Variants in FAM135B observed in about 807,000 individuals in gnomAD.
The protein encoded by FAM135B is protein FAM135B.
Under a neutral mutation model 127.7 loss-of-function variants are expected in FAM135B, and 43 were observed. That is an observed-to-expected ratio of 0.34 (90% CI 0.26 to 0.43). The LOEUF is 0.43. FAM135B is among the 20% of genes least tolerant of loss of function. The probability of loss-of-function intolerance (pLI) is 1.00; values close to 1 mark genes in which losing one functional copy is unlikely to be tolerated. For synonymous variants in FAM135B, 670 were observed against 665.1 expected, an observed-to-expected ratio of 1.01 and a Z score of -0.11; for missense variants, 1,558 against 1,725.6, an observed-to-expected ratio of 0.90 and a Z score of 1.72.
intron 4 of FAM135B, among the ~76,000 whole-genome samples, chr8:138,263,668 C>A (rs141002534): frequency 1.5e-3 from 232 of 152,254 alleles, no homozygotes; most frequent in African/African-American, 5.4e-3. Context: ...TTGAAGCAGG[C>A]AACTGTGGTC....
chr8:138,454,897 G>A (rs935791394), intron 1 of FAM135B, among the ~76,000 whole-genome samples: 4 of 152,142 alleles, frequency 2.6e-5, no homozygotes, highest in South Asian at 4.1e-4. Flanking sequence ...TCTCACCTTC[G>A]TGTCATTATC....
chr8:138,442,269 T>C (rs867069284), intron 1 of FAM135B, among the ~76,000 whole-genome samples: 1 of 135,508 alleles, frequency 7.4e-6, no homozygotes, highest in Non-Finnish European at 1.6e-5. Flanking sequence ...TATATATATA[T>C]ATATATATGA....
intron 1 of FAM135B, among the ~76,000 whole-genome samples, chr8:138,484,055 C>T (rs1814893539): frequency 6.6e-6 from 1 of 152,060 alleles, no homozygotes; most frequent in Non-Finnish European, 1.5e-5. Context: ...GGATGAACAC[C>T]TAATATTTTG....
intron 1 of FAM135B, among the ~76,000 whole-genome samples, chr8:138,468,200 A>G (rs1837476137): frequency 6.6e-6 from 1 of 151,656 alleles, no homozygotes; most frequent in Non-Finnish European, 1.5e-5. Context: ...AGAGCCTGAC[A>G]TGTGTCAAAA....
chr8:138,279,436 T>G, intron 3 of FAM135B, among the ~76,000 whole-genome samples: 1 of 152,230 alleles, frequency 6.6e-6, no homozygotes, highest in East Asian at 1.9e-4. Context: ...AAAGTCTGCC[T>G]GTTTCTCAGT....
intron 1 of FAM135B, among the ~76,000 whole-genome samples, chr8:138,427,705 C>T (rs977979808): frequency 6.6e-6 from 1 of 152,224 alleles, no homozygotes; most frequent in Admixed American, 6.5e-5. Flanking sequence ...AAACACATTA[C>T]ATAACATAGC....
At chr8:138,246,608 GC>G (rs1411678314) in intron 6 of FAM135B, among the ~76,000 whole-genome samples, 2 of 152,212 alleles carry the variant, frequency 1.3e-5, no homozygotes, top group African/African-American at 4.8e-5. Flanking sequence ...GCAGAAGTTT[GC>G]TGCAGGAGCA....
chr8:138,480,093 G>A (rs551601183), intron 1 of FAM135B, among the ~76,000 whole-genome samples: 16 of 152,254 alleles, frequency 1.1e-4, no homozygotes, highest in East Asian at 3.9e-4. Flanking sequence ...TAAACAACAC[G>A]GTCATTCATT....
chr8:138,479,909 C>T (rs1318994364), intron 1 of FAM135B, among the ~76,000 whole-genome samples: 1 of 152,148 alleles, frequency 6.6e-6, no homozygotes, highest in Non-Finnish European at 1.5e-5. Flanking sequence ...CTAATTTTCC[C>T]ACAAAACTAC....
At chr8:138,358,434 G>A (rs1349326225) in intron 2 of FAM135B, 1 of 152,202 alleles carries the variant, frequency 6.6e-6, no homozygotes, top group Non-Finnish European at 1.5e-5. Flanking sequence ...GTTTGGTTCA[G>A]AGTCTCAATT....
rs1459814398 is a variant in FAM135B at position 138,153,164 on chromosome 8, T to C, written c.1311A>G (p.Thr437=). 2 of 1,605,586 alleles carry C rather than the reference T, an allele frequency of 1.2e-6. No homozygotes were observed. The highest frequency in any genetic ancestry group is 3.4e-5 in the Admixed American group (2 of 59,488). Reference sequence around the variant, plus strand: ...CTTCCTTGTCTTTCAGATTCATTATTGTAGGACTTGTCACTGGAACATCAA... The same window carrying C: ...CTTCCTTGTCTTTCAGATTCATTATCGTAGGACTTGTCACTGGAACATCAA... The part of the protein sequence containing the change: ...PNFDVPVTSP[T]IMNLKDKEDN... The change falls in exon 13 of 20, where the codon ACA becomes ACG. Residue 437 remains threonine (T), a synonymous_variant. Coordinates refer to ENST00000395297, the MANE Select transcript of FAM135B (RefSeq NM_015912.4).
intron 12 of FAM135B, among the ~76,000 whole-genome samples, chr8:138,159,214 G>A: frequency 7.3e-6 from 1 of 137,040 alleles, no homozygotes; most frequent in Non-Finnish European, 1.5e-5. Context: ...GGAGCTTGCA[G>A]TGAGCCGAGA....
chr8:138,409,797 C>G (rs1281040030), intron 1 of FAM135B, among the ~76,000 whole-genome samples: 1 of 148,050 alleles, frequency 6.8e-6, no homozygotes, highest in Admixed American at 6.9e-5. Flanking sequence ...ATGGCATGAA[C>G]TCAAGAGGCG....
intron 3 of FAM135B, among the ~76,000 whole-genome samples, chr8:138,286,800 G>A (rs1824722651): frequency 6.6e-6 from 1 of 152,186 alleles, no homozygotes; most frequent in Non-Finnish European, 1.5e-5. Context: ...GCCTCGGGAG[G>A]AGAGTCACTC....
At chr8:138,493,306 G>A (rs942975261) in intron 1 of FAM135B, among the ~76,000 whole-genome samples, 11 of 151,936 alleles carry the variant, frequency 7.2e-5, no homozygotes, top group Admixed American at 6.6e-4. Context: ...GCTCCCTCCT[G>A]GTGTCTCCCA....
chr8:138,350,841 C>T (rs1829732406), intron 2 of FAM135B, among the ~76,000 whole-genome samples: 1 of 152,164 alleles, frequency 6.6e-6, no homozygotes, highest in Non-Finnish European at 1.5e-5. Context: ...CTTGTCATTC[C>T]TATTGCCTTG....
chr8:138,497,208 C>G lies in FAM135B; in HGVS notation c.-557G>C, dbSNP rs1030672788. On this transcript the variant is annotated 5_prime_UTR_variant, in exon 1 of 20. Transcript: ENST00000395297. ...CCGGGAGAGCCCGCCCTGCTGCTCC[C>G]GCTGGCTCCGCTCCGCAGCCGCTGC... 6.6e-6 allele frequency among the ~76,000 whole-genome samples: 1 copy of G among 150,928 alleles called. No individual in the cohort carries two copies. The highest frequency in any genetic ancestry group is 6.6e-5 in the Admixed American group (1 of 15,146).
At chr8:138,283,533 G>T (rs1243067078) in intron 3 of FAM135B, among the ~76,000 whole-genome samples, 1 of 152,074 alleles carries the variant, frequency 6.6e-6, no homozygotes, top group Non-Finnish European at 1.5e-5. Flanking sequence ...TCTAATGGTG[G>T]ATATGTGTCA....
intron 3 of FAM135B, among the ~76,000 whole-genome samples, chr8:138,268,627 C>T (rs1310566592): frequency 1.3e-5 from 2 of 152,156 alleles, no homozygotes; most frequent in African/African-American, 4.8e-5. Context: ...TCTTCAACAA[C>T]AATCCACATC....
Sources: allele counts gnomAD v4.1 joint callset (sites outside exome capture counted in the v4.1 genomes callset), GRCh38; gene constraint gnomAD v4.1.1; transcripts MANE v1.5; gene names NCBI Gene and HGNC (gene_info 2026-07-23, HGNC 2026-07-21).